Variants in BBS9 observed in about 807,000 individuals in gnomAD.
BBS9 encodes the protein protein PTHB1.
A neutral mutation model predicts 117.7 loss-of-function variants in BBS9; 89 were observed. The observed-to-expected ratio is 0.76, with a 90% CI of 0.64 to 0.90. The LOEUF (loss-of-function observed/expected upper bound fraction) is 0.90, where lower values mean the gene tolerates loss of function less well. BBS9 is among the 40% of genes least tolerant of loss of function. BBS9 has a pLI of 0.00. For synonymous variants in BBS9, 379 were observed against 370.9 expected (o/e 1.02, Z -0.25); for missense variants, 982 against 1,042.2 (o/e 0.94, Z 0.80).
At chr7:33,568,412 G>A (rs1475754108) in intron 21 of BBS9, among the ~76,000 whole-genome samples, 1 of 152,034 alleles carries the variant, frequency 6.6e-6, no homozygotes, top group Admixed American at 6.6e-5. Context: ...TAACCCTATC[G>A]CTTACCCCTA....
intron 5 of BBS9, among the ~76,000 whole-genome samples, chr7:33,254,649 A>G (rs1796737380): frequency 6.6e-6 from 1 of 152,144 alleles, no homozygotes; most frequent in Admixed American, 6.5e-5. Context: ...TCATTTGACC[A>G]ATATTTCCTT....
At chr7:33,235,562 G>A (rs972021158) in intron 5 of BBS9, among the ~76,000 whole-genome samples, 4 of 152,250 alleles carry the variant, frequency 2.6e-5, no homozygotes, top group Non-Finnish European at 5.9e-5. Flanking sequence ...TTTCATTATA[G>A]TGCTTGTTTT....
At chr7:33,294,323 ATC>A (rs1804766293) in intron 9 of BBS9, among the ~76,000 whole-genome samples, 1 of 143,436 alleles carries the variant, frequency 7.0e-6, no homozygotes, top group Non-Finnish European at 1.5e-5. Flanking sequence ...CTATCTATCT[ATC>A]TATCTATCTA....
At chr7:33,379,399 C>T (rs1335957445) in intron 17 of BBS9, among the ~76,000 whole-genome samples, 1 of 152,142 alleles carries the variant, frequency 6.6e-6, no homozygotes, top group Non-Finnish European at 1.5e-5. Flanking sequence ...TTCCTCTCTA[C>T]AGCTCTATTT....
chr7:33,347,103 A>C (rs1817729430), intron 12 of BBS9, among the ~76,000 whole-genome samples: 1 of 152,198 alleles, frequency 6.6e-6, no homozygotes, highest in Non-Finnish European at 1.5e-5. Flanking sequence ...GGCCTTGGGC[A>C]AATTACTTAG....
At chr7:33,247,094 A>G (rs957005666) in intron 5 of BBS9, among the ~76,000 whole-genome samples, 5 of 151,800 alleles carry the variant, frequency 3.3e-5, no homozygotes, top group African/African-American at 1.2e-4. Flanking sequence ...GTGTGTGTGC[A>G]TGCAGTCTTT....
chr7:33,367,945 C>T (rs1822109899), intron 17 of BBS9, 83 bp downstream of exon 17: 1 of 1,064,060 alleles, frequency 9.4e-7, no homozygotes, highest in African/African-American at 1.6e-5. Context: ...TCAATAATTC[C>T]TGCAAAGGGT....
chr7:33,266,010 C>G (rs1434467139), intron 7 of BBS9, among the ~76,000 whole-genome samples: 5 of 152,024 alleles, frequency 3.3e-5, no homozygotes, highest in African/African-American at 1.2e-4. Context: ...CCATTTGTTT[C>G]TTATAGTCTG....
At chr7:33,499,070 A>G (rs1845108913) in intron 19 of BBS9, among the ~76,000 whole-genome samples, 2 of 152,146 alleles carry the variant, frequency 1.3e-5, no homozygotes, top group Admixed American at 6.5e-5. Flanking sequence ...TCATAATCCT[A>G]TGAATTAGCC....
intron 2 of BBS9, among the ~76,000 whole-genome samples, chr7:33,150,394 T>A (rs1793116985): frequency 6.6e-6 from 1 of 152,206 alleles, no homozygotes; most frequent in African/African-American, 2.4e-5. Flanking sequence ...GCAGCAGCTG[T>A]CCAGTCTACT....
chr7:33,472,119 G>A (rs371709976), intron 19 of BBS9, among the ~76,000 whole-genome samples: 1 of 152,208 alleles, frequency 6.6e-6, no homozygotes, highest in African/African-American at 2.4e-5. Context: ...AACTAGCGAA[G>A]TAAGCCAGAG....
rs1815414782 is a variant in BBS9 at position 33,336,598 on chromosome 7, AT to A, written c.1175del (p.Ile392ThrfsTer13). On this transcript the variant is annotated frameshift_variant, in exon 10 of 23. Transcript: ENST00000242067. LOFTEE classifies it high-confidence loss of function. ...AGAAATGAAAGAACTTCAGAAAATC[AT>A]CAAAGATGTTAACAAATCACAAGGT... ...DVEMKELQKIIKDVNKSQGVW... is the reference protein window; with the variant it reads ...DVEMKELQKIXKDVNKSQGVW... 6.2e-7 allele frequency: 1 copy of A among 1,611,254 alleles called. No homozygotes were observed. The highest frequency in any genetic ancestry group is 8.5e-7 in the Non-Finnish European group (1 of 1,178,220).
At chr7:33,199,083 C>T (rs1785405427) in intron 5 of BBS9, among the ~76,000 whole-genome samples, 1 of 151,858 alleles carries the variant, frequency 6.6e-6, no homozygotes, top group Non-Finnish European at 1.5e-5. Context: ...TTTGGGAACC[C>T]AATCAATGGT....
intron 5 of BBS9, among the ~76,000 whole-genome samples, chr7:33,220,700 C>T (rs1353810982): frequency 1.3e-5 from 2 of 152,170 alleles, no homozygotes. Context: ...GCCTATTGTA[C>T]ATTGTCCAAT....
intron 21 of BBS9, among the ~76,000 whole-genome samples, chr7:33,565,843 CTTATATATATATATA>C (rs1856843056): frequency 8.8e-5 from 3 of 34,034 alleles, no homozygotes; most frequent in African/African-American, 1.9e-4. Context: ...ATATATACTG[CTTATATATATATATA>C]TATATATATA....
intron 4 of BBS9, among the ~76,000 whole-genome samples, chr7:33,175,679 C>T (rs1175052797): frequency 6.6e-6 from 1 of 152,052 alleles, no homozygotes; most frequent in East Asian, 1.9e-4. Context: ...TGAATGTCAG[C>T]TACCATGATT....
chr7:33,484,860 A>G (rs1842891293), intron 19 of BBS9, among the ~76,000 whole-genome samples: 1 of 152,330 alleles, frequency 6.6e-6, no homozygotes, highest in African/African-American at 2.4e-5. Flanking sequence ...TCATTGCAGC[A>G]CTATTCACAA....
intron 19 of BBS9, among the ~76,000 whole-genome samples, chr7:33,452,753 C>G (rs1176234888): frequency 1.3e-5 from 2 of 152,086 alleles, no homozygotes; most frequent in Non-Finnish European, 2.9e-5. Flanking sequence ...CACACTGTAG[C>G]AACAGTGGGA....
chr7:33,535,832 G>T (rs1851280254), intron 21 of BBS9, among the ~76,000 whole-genome samples: 1 of 152,086 alleles, frequency 6.6e-6, no homozygotes, highest in African/African-American at 2.4e-5. Flanking sequence ...TTTGAAGAGG[G>T]ATGGGATGGC....
Sources: gnomAD v4.1 joint callset for allele counts (sites outside exome capture counted in the v4.1 genomes callset) on GRCh38, gnomAD v4.1.1 for gene constraint, MANE v1.5 for transcripts, NCBI Gene and HGNC (gene_info 2026-07-23, HGNC 2026-07-21) for gene names.